The following MTMR3 variants were observed in gnomAD, a reference collection of about 807,000 sequenced individuals.
MTMR3 encodes phosphatidylinositol-3,5-bisphosphate 3-phosphatase MTMR3.
A neutral mutation model predicts 132.4 loss-of-function variants in MTMR3; 32 were observed. The ratio of observed to expected loss-of-function variants is 0.24; its 90% CI spans 0.18 to 0.32. The LOEUF (loss-of-function observed/expected upper bound fraction) is 0.32. MTMR3 is among the 10% of genes least tolerant of loss of function. MTMR3 has a pLI of 1.00. For missense variants in MTMR3, 1,216 were observed against 1,489.6 expected (o/e 0.82, Z 3.02); for synonymous variants, 556 against 550.3 (o/e 1.01, Z -0.14).
At chr22:29,978,352 C>T in intron 3 of MTMR3, 90 bp from the exon 4 acceptor site, 1 of 946,702 alleles carries the variant, frequency 1.1e-6, no homozygotes, top group East Asian at 2.5e-5. Flanking sequence ...TTTGTACTTT[C>T]ATTGTGATTA....
Position 30,013,466 on chromosome 22 carries a change from T to C in MTMR3, c.1428T>C (p.Phe476=). ...ATCTGAATGAACGTTGCCCAGTGTT[T>C]CTGCAGTGGCTTGACTGTGTTCATC... The part of the protein sequence containing the change: ...SDDLNERCPV[F]LQWLDCVHQL... Residue 476 remains phenylalanine, a synonymous_variant, in exon 14 of 20, where the codon TTT becomes TTC. Transcript: ENST00000401950. 1.9e-6 allele frequency: 3 copies of C among 1,614,196 alleles called. No homozygotes were observed. The highest frequency in any genetic ancestry group is 2.5e-6 in the Non-Finnish European group (3 of 1,180,016).
chr22:29,912,369 T>TG (rs534833799), intron 1 of MTMR3, among the ~76,000 whole-genome samples: 55 of 152,278 alleles, frequency 3.6e-4, no homozygotes, highest in African/African-American at 1.3e-3. Flanking sequence ...AGCACACTGC[T>TG]GCCTCAAACT....
At chr22:29,906,571 A>G (rs2065108586) in intron 1 of MTMR3, among the ~76,000 whole-genome samples, 2 of 151,884 alleles carry the variant, frequency 1.3e-5, no homozygotes, top group African/African-American at 4.8e-5. Context: ...CCTGACCTCA[A>G]GTGTTCCATC....
At chr22:29,933,353 C>A (rs1180111284) in intron 1 of MTMR3, among the ~76,000 whole-genome samples, 2 of 151,752 alleles carry the variant, frequency 1.3e-5, no homozygotes, top group African/African-American at 2.4e-5. Flanking sequence ...CACAGACAAT[C>A]TTTCATGGGT....
rs368114437 is a variant in MTMR3, at chr22:29,965,369, G to T, written c.-84-5607G>T. Among the ~76,000 whole-genome samples, 168 of 152,238 alleles carry T rather than the reference G, an allele frequency of 1.1e-3. 1 individual carries two copies. Among genetic ancestry groups the T allele is most frequent in the South Asian group, 3.1e-3 (15 of 4,818 alleles). On this transcript the variant is annotated intron_variant, in intron 2 of 19. Transcript: ENST00000401950. Reference sequence around the variant, plus strand: ...AAATTGAGACTTTTAATGCCGAGTGGCAAATCTTTGTCTTGGTATTTCTGT... The same window carrying T: ...AAATTGAGACTTTTAATGCCGAGTGTCAAATCTTTGTCTTGGTATTTCTGT...
At chr22:29,945,838 A>C (rs1602532848) in intron 1 of MTMR3, among the ~76,000 whole-genome samples, 1 of 152,210 alleles carries the variant, frequency 6.6e-6, no homozygotes, top group Non-Finnish European at 1.5e-5. Flanking sequence ...TTTATGGATG[A>C]AAAAATTTTA....
chr22:29,915,596 A>G (rs1302477160), intron 1 of MTMR3, among the ~76,000 whole-genome samples: 2 of 151,900 alleles, frequency 1.3e-5, no homozygotes, highest in African/African-American at 2.4e-5. Context: ...TAATTTTTGT[A>G]TATTTTATGT....
At position 30,027,745 on chromosome 22, in the gene MTMR3, AGAG is replaced by A. The variant is rs2067939859; in HGVS notation, c.*1948_*1950del. 6.5e-6 allele frequency: 1 copy of A among 152,748 alleles called. No homozygotes were observed. Among genetic ancestry groups the A allele is most frequent in the African/African-American group, 2.4e-5 (1 of 41,474 alleles). 9.5% of individuals were successfully genotyped at this position (152,748 alleles called of 1,614,324 possible). ...TGTACATATAACCCTTTTCTCCTAA[AGAG>A]GAGTCAGTCAGTGCTCCTATATTTT... is the stretch of plus-strand genomic sequence containing the variant. On this transcript the variant is annotated 3_prime_UTR_variant, in exon 20 of 20. Transcript: ENST00000401950.
chr22:29,997,547 T>TA (rs1292393720), intron 7 of MTMR3: 1 of 152,268 alleles, frequency 6.6e-6, no homozygotes, highest in East Asian at 1.9e-4. Flanking sequence ...TTACTGAATT[T>TA]ATGTTAGCTT....
intron 1 of MTMR3, among the ~76,000 whole-genome samples, chr22:29,909,050 C>T (rs547447851): frequency 1.3e-5 from 2 of 150,558 alleles, no homozygotes; most frequent in African/African-American, 2.4e-5. Context: ...CAGTCTACTG[C>T]AGCCTCGACC....
rs566666982 is a variant in MTMR3 at position 29,927,014 on chromosome 22, T to C, written c.-137-30022T>C. ...TCTATTTTGAGTTAATTTTTGTATA[T>C]GGTGTGAGGTAGAGTTCTTATTTAA... On this transcript the variant is annotated intron_variant, in intron 1 of 19. Transcript: ENST00000401950. 5.3e-5 allele frequency among the ~76,000 whole-genome samples: 8 copies of C among 152,320 alleles called. No homozygotes were observed. The South Asian group carries it at 1.0e-3, about 20-fold the overall frequency.
chr22:29,963,763 A>G (rs1002435301), intron 2 of MTMR3, among the ~76,000 whole-genome samples: 1 of 151,446 alleles, frequency 6.6e-6, no homozygotes, highest in African/African-American at 2.4e-5. Context: ...CCATCTGTTG[A>G]TGGACATTTG....
At chr22:30,008,054 T>TC (rs1418675241) in intron 11 of MTMR3, 22 bp downstream of exon 11, 2 of 1,608,986 alleles carry the variant, frequency 1.2e-6, no homozygotes, top group East Asian at 2.2e-5. Flanking sequence ...GGTGCTTTGT[T>TC]CCCCATACTT....
intron 1 of MTMR3, among the ~76,000 whole-genome samples, chr22:29,919,088 A>G (rs1316603795): frequency 1.3e-5 from 2 of 152,228 alleles, no homozygotes; most frequent in Non-Finnish European, 1.5e-5. Context: ...GTGTAAGGCA[A>G]AAATATAAAA....
At chr22:29,993,250 T>TA (rs2066998526) in intron 7 of MTMR3, 1 of 152,228 alleles carries the variant, frequency 6.6e-6, no homozygotes, top group Admixed American at 6.5e-5. Flanking sequence ...CTCCGATTGT[T>TA]ACATCTATTT....
At chr22:30,025,488 G>A (rs1246157228) in intron 19 of MTMR3, 142 bp from the exon 20 acceptor site, 3 of 820,442 alleles carry the variant, frequency 3.7e-6, no homozygotes, top group Non-Finnish European at 5.9e-6. Context: ...CTTGTTCCTG[G>A]GCTAGAGAGA....
intron 10 of MTMR3, 172 bp from the exon 11 acceptor site, chr22:30,007,729 A>G: frequency 2.7e-6 from 2 of 738,406 alleles, no homozygotes; most frequent in Non-Finnish European, 2.1e-6. Flanking sequence ...CATCTTTCAT[A>G]AGAAGGCCAC....
intron 1 of MTMR3, among the ~76,000 whole-genome samples, chr22:29,890,189 A>G (rs377709767): frequency 6.6e-6 from 1 of 151,514 alleles, no homozygotes; most frequent in East Asian, 2.0e-4. Context: ...TACAGGCCTG[A>G]GCCACTGCAC....
At chr22:29,967,227 G>GCA (rs1569028426) in intron 2 of MTMR3, among the ~76,000 whole-genome samples, 8 of 101,330 alleles carry the variant, frequency 7.9e-5, no homozygotes, top group Non-Finnish European at 1.3e-4. Flanking sequence ...GTGTGTGTGT[G>GCA]TGTGTGCATG....
Sources: gnomAD v4.1 joint callset for allele counts (sites outside exome capture counted in the v4.1 genomes callset) on GRCh38, gnomAD v4.1.1 for gene constraint, MANE v1.5 for transcripts, NCBI Gene and HGNC (gene_info 2026-07-23, HGNC 2026-07-21) for gene names.